Variants in RSRC1 observed in about 807,000 individuals in gnomAD.
RSRC1 encodes the protein arginine and serine rich coiled-coil 1, also known as serine/Arginine-related protein 53.
Under a neutral mutation model 49.1 loss-of-function variants are expected in RSRC1, and 39 were observed. The observed-to-expected ratio is 0.79, with a 90% CI of 0.61 to 1.04. The LOEUF (loss-of-function observed/expected upper bound fraction) is 1.04, where lower values mean the gene tolerates loss of function less well. RSRC1 is among the 50% of genes least tolerant of loss of function. RSRC1 has a pLI of 0.00. For synonymous variants in RSRC1, 143 were observed against 130.8 expected (o/e 1.09, Z -0.63); for missense variants, 388 against 402.4 (o/e 0.96, Z 0.31).
In RSRC1 at chr3:158,222,048, G is replaced by A. The variant is rs1260744347; in HGVS notation, c.494+18803G>A. The stretch of plus-strand genomic sequence containing the variant: ...TTCTAAAAGCCATTGCCATTTTTAG[G>A]GGATTGATAAGTTTTGGTGTGCATT... On this transcript the variant is annotated intron_variant, in intron 4 of 9. Coordinates refer to ENST00000611884, the MANE Select transcript of RSRC1 (RefSeq NM_001271838.2). Among the ~76,000 whole-genome samples the A allele has an allele frequency of 9.9e-5, 15 of 151,458 alleles. 1 individual carries two copies. In the South Asian group the frequency reaches 2.5e-3, roughly 25 times the overall value.
intron 6 of RSRC1, among the ~76,000 whole-genome samples, chr3:158,392,710 A>G (rs1285748722): frequency 6.6e-6 from 1 of 152,100 alleles, no homozygotes; most frequent in African/African-American, 2.4e-5. Flanking sequence ...AGAGACTTAG[A>G]TAATCACACA....
chr3:158,262,667 A>G (rs1420579016), intron 4 of RSRC1, among the ~76,000 whole-genome samples: 1 of 152,154 alleles, frequency 6.6e-6, no homozygotes, highest in Non-Finnish European at 1.5e-5. Flanking sequence ...TGACATGTTA[A>G]TAATATTGAC....
intron 4 of RSRC1, among the ~76,000 whole-genome samples, chr3:158,293,247 A>G (rs891465163): frequency 6.6e-6 from 1 of 152,084 alleles, no homozygotes; most frequent in Non-Finnish European, 1.5e-5. Flanking sequence ...ATATGTATAT[A>G]TTACCTAAAA....
At chr3:158,355,252 T>A (rs1399172141) in intron 6 of RSRC1, among the ~76,000 whole-genome samples, 1 of 151,908 alleles carries the variant, frequency 6.6e-6, no homozygotes, top group Non-Finnish European at 1.5e-5. Context: ...AGATTATGAT[T>A]TTTTTCTTAC....
intron 5 of RSRC1, among the ~76,000 whole-genome samples, chr3:158,321,962 AC>A (rs1384230772): frequency 1.6e-5 from 2 of 123,510 alleles, no homozygotes; most frequent in African/African-American, 6.7e-5. Context: ...AAGAGAAGAA[AC>A]TTTTAACACC....
intron 3 of RSRC1, among the ~76,000 whole-genome samples, chr3:158,135,126 A>T (rs1716284519): frequency 6.6e-6 from 1 of 152,208 alleles, no homozygotes; most frequent in African/African-American, 2.4e-5. Flanking sequence ...TGATGAACCA[A>T]AATACCGTAC....
chr3:158,521,120 TAGA>T (rs959323062), intron 7 of RSRC1, among the ~76,000 whole-genome samples: 3 of 152,206 alleles, frequency 2.0e-5, no homozygotes, highest in Non-Finnish European at 4.4e-5. Context: ...CACATATTTT[TAGA>T]AGACTAGTCA....
intron 3 of RSRC1, among the ~76,000 whole-genome samples, chr3:158,173,587 T>C (rs1156245679): frequency 6.6e-6 from 1 of 151,972 alleles, no homozygotes; most frequent in African/African-American, 2.4e-5. Flanking sequence ...CTGTATGAAC[T>C]AGCAATTCCA....
At chr3:158,416,883 A>C (rs115517021) in intron 6 of RSRC1, among the ~76,000 whole-genome samples, 1 of 152,084 alleles carries the variant, frequency 6.6e-6, no homozygotes, top group Non-Finnish European at 1.5e-5. Flanking sequence ...CTGCATAGGA[A>C]TAACACTTTA....
chr3:158,408,067 G>A (rs900843955), intron 6 of RSRC1, among the ~76,000 whole-genome samples: 3 of 152,156 alleles, frequency 2.0e-5, no homozygotes. Context: ...GATTGTGTAA[G>A]AGAGGTTGGG....
intron 6 of RSRC1, among the ~76,000 whole-genome samples, chr3:158,355,757 G>A (rs1477064877): frequency 6.6e-6 from 1 of 151,534 alleles, no homozygotes; most frequent in Non-Finnish European, 1.5e-5. Context: ...CAAACAATAA[G>A]TTTTAATGAG....
At chr3:158,308,262 G>A (rs746859571) in intron 5 of RSRC1, among the ~76,000 whole-genome samples, 10 of 151,934 alleles carry the variant, frequency 6.6e-5, no homozygotes, top group Admixed American at 6.6e-5. Context: ...TGGTTTGTAC[G>A]CAATTTCAGT....
At chr3:158,397,520 C>G (rs990973845) in intron 6 of RSRC1, among the ~76,000 whole-genome samples, 3 of 152,106 alleles carry the variant, frequency 2.0e-5, no homozygotes, top group Admixed American at 2.0e-4. Context: ...AATGACCCAG[C>G]ATTTCATTTC....
At chr3:158,383,606 A>T (rs1301236950) in intron 6 of RSRC1, among the ~76,000 whole-genome samples, 1 of 152,188 alleles carries the variant, frequency 6.6e-6, no homozygotes, top group Non-Finnish European at 1.5e-5. Context: ...TATCTTTAAC[A>T]TGCATACAAA....
intron 3 of RSRC1, among the ~76,000 whole-genome samples, chr3:158,144,878 A>T (rs1197839079): frequency 6.6e-6 from 1 of 152,124 alleles, no homozygotes; most frequent in Admixed American, 6.5e-5. Context: ...CCTTTCTCTG[A>T]TGGCCAGTGA....
intron 7 of RSRC1, among the ~76,000 whole-genome samples, chr3:158,513,890 T>A (rs1231675723): frequency 6.6e-6 from 1 of 152,236 alleles, no homozygotes; most frequent in Non-Finnish European, 1.5e-5. Context: ...TTCTAGATTT[T>A]CTAGTTTATT....
chr3:158,172,287 G>C (rs907116968), intron 3 of RSRC1, among the ~76,000 whole-genome samples: 1 of 152,086 alleles, frequency 6.6e-6, no homozygotes, highest in Non-Finnish European at 1.5e-5. Flanking sequence ...GCTAAAAAAC[G>C]TAAAGGAGAA....
chr3:158,437,115 C>CA (rs1405097643), intron 6 of RSRC1, among the ~76,000 whole-genome samples: 2 of 150,090 alleles, frequency 1.3e-5, no homozygotes, highest in African/African-American at 4.9e-5. Context: ...TGTACACACA[C>CA]ACAAAAAAAA....
chr3:158,117,323 G>T (rs1481284707), intron 1 of RSRC1, among the ~76,000 whole-genome samples: 2 of 152,136 alleles, frequency 1.3e-5, no homozygotes, highest in Non-Finnish European at 2.9e-5. Flanking sequence ...TTGAAACAAG[G>T]ACTTATTCTG....
Sources: gnomAD v4.1 joint callset for allele counts (sites outside exome capture counted in the v4.1 genomes callset) on GRCh38, gnomAD v4.1.1 for gene constraint, MANE v1.5 for transcripts, NCBI Gene and HGNC (gene_info 2026-07-23, HGNC 2026-07-21) for gene names.